STXBP4: variants seen among roughly 807,000 people sequenced by gnomAD.
STXBP4 encodes syntaxin binding protein 4, also known as syntaxin-binding protein 4.
Under a neutral mutation model 76.1 loss-of-function variants are expected in STXBP4, and 55 were observed. The ratio of observed to expected loss-of-function variants is 0.72; its 90% confidence interval spans 0.58 to 0.91. STXBP4 has a LOEUF of 0.91. Ranked by LOEUF, STXBP4 falls within the 40% of genes least tolerant of loss-of-function variation. The pLI is 0.00. For synonymous variants in STXBP4, 201 were observed against 220.2 expected (o/e 0.91, Z 0.77); for missense variants, 618 against 636.9 (o/e 0.97, Z 0.32).
intron 16 of STXBP4, among the ~76,000 whole-genome samples, chr17:55,103,911 C>T (rs2529507): frequency 0.37 from 56,780 of 151,886 alleles, 11,277 homozygotes; most frequent in East Asian, 0.54. Context: ...ACTTCACTTA[C>T]GTTGCAGCTC....
intron 1 of STXBP4, among the ~76,000 whole-genome samples, chr17:54,969,207 C>G (rs568326158): frequency 6.6e-6 from 1 of 152,184 alleles, no homozygotes. Context: ...GTGGAAAGCA[C>G]CACAGCTGGA....
chr17:55,188,914 G>A, the STXBP4 span, among the ~76,000 whole-genome samples: 1 of 152,154 alleles, frequency 6.6e-6, no homozygotes, highest in African/African-American at 2.4e-5. Context: ...AATTCTTACT[G>A]TACCCAGACA....
At chr17:55,011,503 T>TTTCCC in intron 8 of STXBP4, among the ~76,000 whole-genome samples, 1 of 110,956 alleles carries the variant, frequency 9.0e-6, no homozygotes, top group South Asian at 3.3e-4. Context: ...GTTTATTTTC[T>TTTCCC]TTTTCTTTTT....
intron 13 of STXBP4, 108 bp downstream of exon 13, chr17:55,073,184 T>C (rs907287317): frequency 1.0e-6 from 1 of 1,000,682 alleles, no homozygotes; most frequent in Admixed American, 2.1e-5. Context: ...TCAGTGTTTG[T>C]CTTCTATTAT....
chr17:54,969,740 T>G (rs1292850544), intron 1 of STXBP4, among the ~76,000 whole-genome samples: 7 of 152,308 alleles, frequency 4.6e-5, no homozygotes, highest in Middle Eastern at 3.4e-3. Flanking sequence ...TAACTAGTCA[T>G]TCGACATTTT....
intron 12 of STXBP4, among the ~76,000 whole-genome samples, chr17:55,061,039 C>T (rs2078988284): frequency 1.3e-5 from 2 of 152,156 alleles, no homozygotes; most frequent in Non-Finnish European, 2.9e-5. Context: ...TAGTTGGCCT[C>T]ACCTGTGTAA....
At chr17:55,027,155 A>G (rs1303099313) in intron 8 of STXBP4, among the ~76,000 whole-genome samples, 2 of 152,156 alleles carry the variant, frequency 1.3e-5, no homozygotes, top group Non-Finnish European at 2.9e-5. Flanking sequence ...CTAGAACAGT[A>G]CTGCCCGTGG....
At chr17:55,007,446 C>G in intron 7 of STXBP4, 60 bp from the exon 8 acceptor site, 1 of 1,191,876 alleles carries the variant, frequency 8.4e-7, no homozygotes, top group Non-Finnish European at 1.2e-6. Flanking sequence ...CATATCCTGT[C>G]AAATAAAAAT....
At chr17:55,101,518 T>G (rs1262199140) in intron 16 of STXBP4, among the ~76,000 whole-genome samples, 3 of 152,180 alleles carry the variant, frequency 2.0e-5, no homozygotes, top group African/African-American at 7.2e-5. Flanking sequence ...GCTTAACACT[T>G]CTAGTACCTA....
intron 16 of STXBP4, among the ~76,000 whole-genome samples, chr17:55,095,985 A>G (rs2079479601): frequency 6.6e-6 from 1 of 152,090 alleles, no homozygotes; most frequent in Non-Finnish European, 1.5e-5. Context: ...GTGTGTTATA[A>G]TTGATGGCAC....
chr17:54,981,634 T>G (rs1165290851), intron 1 of STXBP4, among the ~76,000 whole-genome samples: 2 of 152,158 alleles, frequency 1.3e-5, no homozygotes, highest in Non-Finnish European at 2.9e-5. Context: ...AGAGAATTCT[T>G]TATAACTTTG....
chr17:55,063,456 G>C lies in STXBP4; in HGVS notation c.1012-9444G>C, dbSNP rs551066863. Among the ~76,000 whole-genome samples, 221 of 152,244 alleles carry C rather than the reference G, an allele frequency of 1.5e-3. 2 individuals are homozygous for C. The highest frequency in any genetic ancestry group is 5.1e-3 in the African/African-American group (213 of 41,550). The stretch of plus-strand genomic sequence containing the variant: ...CCTAGTTAGAACTGATGCTGTTAAA[G>C]TTCTAGGTTCCATACTATGAGCCAC... On this transcript the variant is annotated intron_variant, in intron 12 of 17. Transcript: ENST00000376352.
intron 8 of STXBP4, among the ~76,000 whole-genome samples, chr17:55,008,669 G>A (rs1179558347): frequency 6.6e-6 from 1 of 152,124 alleles, no homozygotes; most frequent in African/African-American, 2.4e-5. Context: ...AAACTGGGGG[G>A]AGCATAGCAA....
intron 17 of STXBP4, among the ~76,000 whole-genome samples, chr17:55,145,178 A>G (rs144100744): frequency 1.3e-5 from 2 of 152,218 alleles, no homozygotes; most frequent in African/African-American, 4.8e-5. Context: ...TTGGTTTGTC[A>G]TTTGTTTTTG....
chr17:54,990,108 T>C (rs540481297), intron 3 of STXBP4, among the ~76,000 whole-genome samples: 12 of 152,210 alleles, frequency 7.9e-5, no homozygotes, highest in Non-Finnish European at 1.6e-4. Flanking sequence ...TTTTGTGTTT[T>C]GGATGTTTTG....
chr17:55,013,640 G>A (rs536920985), intron 8 of STXBP4, among the ~76,000 whole-genome samples: 11 of 152,208 alleles, frequency 7.2e-5, no homozygotes, highest in Non-Finnish European at 1.6e-4. Context: ...CACAGGTGGC[G>A]AGGAAATTTA....
intron 4 of STXBP4, among the ~76,000 whole-genome samples, chr17:54,992,258 TA>T (rs200245403): frequency 0.011 from 1,576 of 148,100 alleles, 25 homozygotes; most frequent in African/African-American, 0.036. Context: ...TATTAAAAAT[TA>T]AAAAAAAAAT....
At chr17:54,987,379 A>G (rs988800949) in intron 3 of STXBP4, among the ~76,000 whole-genome samples, 1 of 152,142 alleles carries the variant, frequency 6.6e-6, no homozygotes, top group African/African-American at 2.4e-5. Context: ...TGATAATTAT[A>G]TATATTTGGA....
chr17:55,087,176 C>A (rs975808510), intron 16 of STXBP4, among the ~76,000 whole-genome samples: 1 of 152,074 alleles, frequency 6.6e-6, no homozygotes, highest in African/African-American at 2.4e-5. Flanking sequence ...AATATTAATT[C>A]CCTGTCAGAA....
Sources: allele counts gnomAD v4.1 joint callset (sites outside exome capture counted in the v4.1 genomes callset), GRCh38; gene constraint gnomAD v4.1.1; transcripts MANE v1.5; gene names NCBI Gene and HGNC (gene_info 2026-07-23, HGNC 2026-07-21).